KCNA6: variants seen among roughly 807,000 people sequenced by gnomAD.
KCNA6 encodes the protein potassium voltage-gated channel subfamily A member 6, also known as human brain potassium channel-2.
In KCNA6, 17 loss-of-function variants were observed where a neutral mutation model predicts 29.5. The observed-to-expected ratio is 0.58, with a 90% CI of 0.39 to 0.86. KCNA6 has a LOEUF of 0.86. KCNA6 is among the 40% of genes least tolerant of loss of function. The pLI, the probability that KCNA6 is intolerant of heterozygous loss-of-function variation, is 0.00. For synonymous variants in KCNA6, 296 were observed against 304.7 expected (o/e 0.97, Z 0.30); for missense variants, 450 against 703.4 (o/e 0.64, Z 4.07).
At chr12:4,809,419 G>A (rs1946597480) in exon 1 of KCNA6, 1 of 151,842 alleles carries the variant, frequency 6.6e-6, no homozygotes, top group African/African-American at 2.4e-5. Flanking sequence ...CTCGGGCGCC[G>A]GGGCAGCCCC....
the KCNA6 span, among the ~76,000 whole-genome samples, chr12:4,831,567 C>G: frequency 6.6e-6 from 1 of 152,204 alleles, no homozygotes; most frequent in Non-Finnish European, 1.5e-5. Context: ...ATCCATCCTC[C>G]AGCTCCGCTT....
At chr12:4,843,807 A>C in the KCNA6 span, among the ~76,000 whole-genome samples, 3 of 152,180 alleles carry the variant, frequency 2.0e-5, no homozygotes, top group African/African-American at 7.2e-5. Context: ...CTCACTCGCT[A>C]TCTCAAGGAC....
the KCNA6 span, among the ~76,000 whole-genome samples, chr12:4,826,112 A>G: frequency 6.6e-6 from 1 of 152,250 alleles, no homozygotes; most frequent in East Asian, 1.9e-4. Context: ...CAAGTGTGAC[A>G]TTTGTCCTTT....
At position 4,810,800 on chromosome 12, in the gene KCNA6, T is replaced by A; in HGVS notation, c.759T>A (p.Thr253=). ...CCGGGGGCTCCTCCTCACTCAGTACTCTTGGGGGCTCCTTCTTTACAGACC... is the reference window on the plus strand; with the variant it reads ...CCGGGGGCTCCTCCTCACTCAGTACACTTGGGGGCTCCTTCTTTACAGACC... Residue 253 remains threonine, a synonymous_variant, in exon 1 of 1, where the codon ACT becomes ACA. Coordinates refer to ENST00000280684, the Ensembl canonical transcript of KCNA6. The surrounding 1 kb of genome is among the most constrained non-coding windows in gnomAD (Gnocchi z 7.5). 1 of 1,590,884 alleles carries A rather than the reference T, an allele frequency of 6.3e-7. No homozygotes were observed. Among genetic ancestry groups the A allele is most frequent in the South Asian group, 1.2e-5 (1 of 85,372 alleles).
At chr12:4,833,461 G>A in the KCNA6 span, among the ~76,000 whole-genome samples, 2 of 152,246 alleles carry the variant, frequency 1.3e-5, no homozygotes, top group African/African-American at 4.8e-5. Context: ...AGTTGGTGCA[G>A]TCACTTCTGC....
chr12:4,820,039 C>T, the KCNA6 span, among the ~76,000 whole-genome samples: 2 of 152,084 alleles, frequency 1.3e-5, no homozygotes, highest in Admixed American at 6.5e-5. Flanking sequence ...ACTACCTGCA[C>T]GTCAGAGAAA....
In KCNA6 at chr12:4,810,738, AC is replaced by A; in HGVS notation, c.698del (p.Thr233AsnfsTer64). On this transcript the variant is annotated frameshift_variant, in exon 1 of 1. Coordinates refer to ENST00000280684, the Ensembl canonical transcript of KCNA6. LOFTEE classifies it high-confidence loss of function. The surrounding 1 kb of genome is among the most constrained non-coding windows in gnomAD (Gnocchi z 7.5). ...AGAGGAGGATGAAGACGATTCCTAC[AC>A]ATTTCATCATGGCATCACCCCTGGG... 2.5e-6 allele frequency: 4 copies of A among 1,610,700 alleles called. No homozygotes were observed. The highest frequency in any genetic ancestry group is 3.4e-6 in the Non-Finnish European group (4 of 1,178,246).
chr12:4,850,682 G>A, the KCNA6 span: 5 of 386,172 alleles, frequency 1.3e-5, no homozygotes, highest in East Asian at 3.7e-4. This position sits in a 1 kb window ranked among gnomAD's most constrained non-coding sequence, Gnocchi z 5.4. Flanking sequence ...TCCCTCATGC[G>A]ACACAACCTC....
At chr12:4,816,664 T>A (rs1372901004), downstream of KCNA6, among the ~76,000 whole-genome samples, 3 of 152,098 alleles carry the variant, frequency 2.0e-5, no homozygotes, top group East Asian at 3.8e-4. Context: ...TTTTTTGAAA[T>A]TTTTTTTGTG....
At chr12:4,831,718 A>G in the KCNA6 span, among the ~76,000 whole-genome samples, 1 of 152,212 alleles carries the variant, frequency 6.6e-6, no homozygotes, top group Non-Finnish European at 1.5e-5. Flanking sequence ...CCCTTGGCTA[A>G]GACACGGAGC....
At chr12:4,845,186 T>A in the KCNA6 span, among the ~76,000 whole-genome samples, 1 of 152,246 alleles carries the variant, frequency 6.6e-6, no homozygotes, top group African/African-American at 2.4e-5. Flanking sequence ...TTGGTTTATT[T>A]CTTCTCTGGA....
the KCNA6 span, among the ~76,000 whole-genome samples, chr12:4,842,010 T>G: frequency 7.6e-6 from 1 of 131,888 alleles, no homozygotes; most frequent in Non-Finnish European, 1.6e-5. Flanking sequence ...TTATGGAGCT[T>G]ACGTGTGTGT....
chr12:4,825,899 C>T, the KCNA6 span, among the ~76,000 whole-genome samples: 15 of 152,280 alleles, frequency 9.9e-5, no homozygotes, highest in South Asian at 2.9e-3. Flanking sequence ...ACGTTGTTAA[C>T]CAAATCAAAA....
rs1946623883 is a variant in KCNA6 at position 4,810,927 on chromosome 12, A to G, written c.886A>G (p.Met296Val). The G allele has an allele frequency of 6.2e-7, 1 of 1,614,046 alleles. No homozygotes were observed. The highest frequency in any genetic ancestry group is 1.3e-5 in the African/African-American group (1 of 74,920). Residue 296 changes from methionine to valine, a missense_variant, in exon 1 of 1, where the codon ATG becomes GTG. Coordinates refer to ENST00000280684, the Ensembl canonical transcript of KCNA6. This position sits in a 1 kb window ranked among gnomAD's most constrained non-coding sequence, Gnocchi z 7.5. Reference sequence around the variant, plus strand: ...CAAGCCGGCCTTCTTCCGGAACATCATGAACATCATTGACTTGGTGGCTAT... The same window carrying G: ...CAAGCCGGCCTTCTTCCGGAACATCGTGAACATCATTGACTTGGTGGCTAT...
the KCNA6 span, among the ~76,000 whole-genome samples, chr12:4,836,693 G>A: frequency 1.2e-4 from 19 of 152,100 alleles, no homozygotes; most frequent in Admixed American, 1.1e-3. Flanking sequence ...GGAGCAAGCA[G>A]GAGTTTTAGA....
rs1452504772 is a variant in KCNA6, at chr12:4,810,863, C to T, written c.822C>T (p.Phe274=). The change falls in exon 1 of 1, where the codon TTC becomes TTT. Residue 274 remains phenylalanine (F), a synonymous_variant. Transcript: ENST00000280684. This position sits in a 1 kb window ranked among gnomAD's most constrained non-coding sequence, Gnocchi z 7.5. ...TGGAGACGCTGTGCATTGTCTGGTT[C>T]ACTTTTGAGCTCCTGGTGCGCTTCT... 6.2e-7 allele frequency: 1 copy of T among 1,611,174 alleles called. No homozygotes were observed. The highest frequency in any genetic ancestry group is 2.2e-5 in the East Asian group (1 of 44,872).
Position 4,810,079 on chromosome 12 carries a change from G to C in KCNA6, c.38G>C (p.Gly13Ala). ...AAATCCCTTACGCTGGCGGCGCCGGGGGAGGTCCGTGGGCCGGAGGGAGAG... is the reference window on the plus strand; with the variant it reads ...AAATCCCTTACGCTGGCGGCGCCGGCGGAGGTCCGTGGGCCGGAGGGAGAG... The change falls in exon 1 of 1, where the codon GGG (glycine) becomes GCG (alanine). Residue 13 changes from glycine to alanine, a missense_variant. Transcript: ENST00000280684. This position sits in a 1 kb window ranked among gnomAD's most constrained non-coding sequence, Gnocchi z 7.5. The C allele has an allele frequency of 6.4e-7, 1 of 1,554,326 alleles. No individual in the cohort carries two copies. Among genetic ancestry groups the C allele is most frequent in the South Asian group, 1.2e-5 (1 of 81,632 alleles).
Position 4,811,793 on chromosome 12 carries a change from T to C in KCNA6, c.*162T>C. ...CCAAATACCTGGACTATCAACCTTGTTGCTTAATCCCTGCAGCATTCAAGG... is the reference window on the plus strand; with the variant it reads ...CCAAATACCTGGACTATCAACCTTGCTGCTTAATCCCTGCAGCATTCAAGG... On this transcript the variant is annotated 3_prime_UTR_variant, in exon 1 of 1. Transcript: ENST00000280684. This position sits in a 1 kb window ranked among gnomAD's most constrained non-coding sequence, Gnocchi z 7.1. 1 of 781,736 alleles carries C rather than the reference T, an allele frequency of 1.3e-6. No individual in the cohort carries two copies. Among genetic ancestry groups the C allele is most frequent in the Non-Finnish European group, 2.1e-6 (1 of 485,670 alleles). The allele number at this position is 781,736 out of a possible 1,614,324, so 48.4% of individuals were successfully genotyped here. A position where few individuals can be genotyped will look rare whatever the true frequency, so the allele number is the denominator to read the frequency against.
the KCNA6 span, among the ~76,000 whole-genome samples, chr12:4,849,249 C>T: frequency 6.6e-6 from 1 of 152,076 alleles, no homozygotes; most frequent in African/African-American, 2.4e-5. Flanking sequence ...ACATTCATAG[C>T]AGGAGAATTG....
Sources: gnomAD v4.1 joint callset for allele counts (sites outside exome capture counted in the v4.1 genomes callset) on GRCh38, gnomAD v4.1.1 for gene constraint, Gnocchi (gnomAD v3.1) non-coding constraint, MANE v1.5 for transcripts, NCBI Gene and HGNC (gene_info 2026-07-23, HGNC 2026-07-21) for gene names.